The following NCOR2 variants were observed in gnomAD, a reference collection of about 807,000 sequenced individuals.
NCOR2 encodes the protein nuclear receptor corepressor 2.
NCOR2 carries 81 observed loss-of-function variants against 262.9 expected under a neutral mutation model. The ratio of observed to expected loss-of-function variants is 0.31; its 90% CI spans 0.26 to 0.37. The LOEUF (loss-of-function observed/expected upper bound fraction) is 0.37, where lower values mean the gene tolerates loss of function less well. Ranked by LOEUF, NCOR2 falls within the 10% of genes least tolerant of loss-of-function variation. NCOR2 has a pLI of 1.00. For synonymous variants in NCOR2, 1,659 were observed against 1,559.3 expected (o/e 1.06, Z -1.51); for missense variants, 3,385 against 3,621.4 (o/e 0.93, Z 1.68).
upstream of NCOR2, chr12:124,495,478 A>C (rs1005915998): frequency 3.4e-5 from 26 of 767,750 alleles, no homozygotes; most frequent in Non-Finnish European, 4.9e-5. This position sits in a 1 kb window ranked among gnomAD's most constrained non-coding sequence, Gnocchi z 4.4. Flanking sequence ...GCGAGCACCC[A>C]GGGGCCTGCC....
rs575927746 is a variant in NCOR2, at chr12:124,348,121, C to A, written c.3985+53G>T. ...ATCTGTAAAACGGGGTCAGCCATCC[C>A]CCCACCGCCCACCAGGGGGCACCGA... On this transcript the variant is annotated intron_variant, in intron 29 of 46. Transcript: ENST00000405201. 6.9e-6 allele frequency: 11 copies of A among 1,601,864 alleles called. No individual in the cohort carries two copies. In the East Asian group the frequency reaches 2.5e-4, roughly 36 times the overall value.
exon 43 of NCOR2, chr12:124,332,364 T>C: frequency 6.2e-7 from 1 of 1,614,198 alleles, no homozygotes; most frequent in Non-Finnish European, 8.5e-7. Context: ...TTCTTGTTGA[T>C]CTCTTGCTTC....
In NCOR2 at chr12:124,437,912, G is replaced by T. The variant is rs1276401217; in HGVS notation, c.882+18C>A. The T allele has an allele frequency of 6.2e-7, 1 of 1,607,504 alleles. No homozygotes were observed. Among genetic ancestry groups the T allele is most frequent in the South Asian group, 1.1e-5 (1 of 89,878 alleles). The stretch of plus-strand genomic sequence containing the variant: ...CAGATCTCAAGGAAAGCTGATGGGG[G>T]CCACGGTGTGGACTTACCCATTGTT... On this transcript the variant is annotated intron_variant, in intron 8 of 46. Coordinates refer to ENST00000405201, the Ensembl canonical transcript of NCOR2.
intron 22 of NCOR2, among the ~76,000 whole-genome samples, chr12:124,359,121 T>C (rs1186653262): frequency 6.6e-6 from 1 of 152,158 alleles, no homozygotes; most frequent in Non-Finnish European, 1.5e-5. Flanking sequence ...CCTGGCTTCA[T>C]GGCATCTTCC....
chr12:124,345,802 C>T (rs2036874351), intron 31 of NCOR2, among the ~76,000 whole-genome samples: 1 of 152,210 alleles, frequency 6.6e-6, no homozygotes, highest in African/African-American at 2.4e-5. Flanking sequence ...GCTGGAACCC[C>T]TCCCGGGACA....
intron 6 of NCOR2, among the ~76,000 whole-genome samples, chr12:124,456,282 C>G (rs747015405): frequency 6.4e-4 from 98 of 152,212 alleles, no homozygotes; most frequent in Admixed American, 1.6e-3. Flanking sequence ...GTAGCATATA[C>G]CTTCAGTGCC....
chr12:124,364,786 C>T (rs2038891115), intron 20 of NCOR2, among the ~76,000 whole-genome samples: 1 of 152,240 alleles, frequency 6.6e-6, no homozygotes, highest in Non-Finnish European at 1.5e-5. Flanking sequence ...CCCAGTGTGG[C>T]TGCCCGGGGC....
At chr12:124,515,690 C>G (rs535827409) in intron 1 of NCOR2, among the ~76,000 whole-genome samples, 4 of 151,274 alleles carry the variant, frequency 2.6e-5, no homozygotes, top group Non-Finnish European at 5.9e-5. Flanking sequence ...TGCGAGTATG[C>G]GTGTGCATGT....
intron 1 of NCOR2, among the ~76,000 whole-genome samples, chr12:124,532,323 T>C (rs2050845189): frequency 6.6e-6 from 1 of 151,486 alleles, no homozygotes; most frequent in Non-Finnish European, 1.5e-5. Flanking sequence ...AGCTGCCAAG[T>C]GGGTGTGGTG....
At chr12:124,371,838 C>T (rs898127609) in intron 20 of NCOR2, among the ~76,000 whole-genome samples, 184 bp downstream of exon 22, 3 of 152,180 alleles carry the variant, frequency 2.0e-5, no homozygotes, top group Non-Finnish European at 2.9e-5. Context: ...CCCGGCCACA[C>T]CTCCGCCCCT....
At chr12:124,344,753 C>A in exon 32 of NCOR2, 1 of 1,548,224 alleles carries the variant, frequency 6.5e-7, no homozygotes. Context: ...GCAATGGAGC[C>A]CCCCGAGCTG....
intron 41 of NCOR2, 30 bp downstream of exon 43, chr12:124,334,391 GACC>G: frequency 6.7e-7 from 1 of 1,488,364 alleles, no homozygotes; most frequent in Non-Finnish European, 9.0e-7. Context: ...CCCGCCGGCT[GACC>G]AGCAAGAGGC....
chr12:124,335,826 T>A (rs1593102484), intron 38 of NCOR2, 194 bp from the exon 41 acceptor site: 1 of 598,782 alleles, frequency 1.7e-6, no homozygotes, highest in Non-Finnish European at 2.9e-6. Context: ...AAGGGAGAGG[T>A]GGAGAGAGAT....
intron 22 of NCOR2, among the ~76,000 whole-genome samples, chr12:124,358,321 G>C (rs1487105485): frequency 6.7e-6 from 1 of 148,970 alleles, no homozygotes; most frequent in Non-Finnish European, 1.5e-5. Flanking sequence ...GTGTGTGTGA[G>C]TGCATGGATG....
chr12:124,526,733 C>T lies in NCOR2; in HGVS notation c.-118+8832G>A, dbSNP rs558970028. ...AGCCTGGGGTGCACACAGCTCCCTG[C>T]GCTTCTCGGAGAGGACAGGCAGCCC... On this transcript the variant is annotated intron_variant, in intron 1 of 46. Transcript: ENST00000404621. Among the ~76,000 whole-genome samples, 80 of 152,238 alleles carry T rather than the reference C, an allele frequency of 5.3e-4. 1 individual carries two copies. The South Asian group carries it at 0.015, about 29-fold the overall frequency.
At chr12:124,406,292 C>T (rs1166658369) in intron 13 of NCOR2, among the ~76,000 whole-genome samples, 1 of 152,224 alleles carries the variant, frequency 6.6e-6, no homozygotes, top group Non-Finnish European at 1.5e-5. Context: ...CGTTAGAGCA[C>T]TCTGCTCCAG....
At chr12:124,528,554 C>T (rs554751296) in intron 1 of NCOR2, among the ~76,000 whole-genome samples, 61 of 152,190 alleles carry the variant, frequency 4.0e-4, no homozygotes, top group Non-Finnish European at 7.2e-4. Context: ...ACAAGGAAGA[C>T]CCTTGGCAGA....
intron 28 of NCOR2, among the ~76,000 whole-genome samples, chr12:124,349,395 G>A (rs887768013): frequency 4.6e-5 from 7 of 152,292 alleles, no homozygotes; most frequent in South Asian, 2.1e-4. Flanking sequence ...CCCACGGCCC[G>A]TGAGCTACTC....
At chr12:124,327,158 C>T (rs1296829266) in intron 45 of NCOR2, among the ~76,000 whole-genome samples, 1 of 151,788 alleles carries the variant, frequency 6.6e-6, no homozygotes, top group Non-Finnish European at 1.5e-5. Context: ...TGTGAGTGTC[C>T]GAGGGAGGCG....
Sources: allele counts gnomAD v4.1 joint callset (sites outside exome capture counted in the v4.1 genomes callset), GRCh38; gene constraint gnomAD v4.1.1; non-coding constraint Gnocchi (gnomAD v3.1); transcripts MANE v1.5; gene names NCBI Gene and HGNC (gene_info 2026-07-23, HGNC 2026-07-21).